Variants in CNTN4 observed in about 807,000 individuals in gnomAD.
The protein encoded by CNTN4 is contactin 4.
CNTN4 carries 77 observed loss-of-function variants against 122.5 expected under a neutral mutation model. That is an observed-to-expected ratio of 0.63 (90% CI 0.52 to 0.76). The LOEUF is 0.76. Among genes scored for constraint, CNTN4 ranks in the 30% least tolerant of loss-of-function variants. The probability of loss-of-function intolerance (pLI) is 0.00; values close to 1 mark genes in which losing one functional copy is unlikely to be tolerated. For missense variants in CNTN4, 1,256 were observed against 1,259.1 expected (o/e 1.00, Z 0.04); for synonymous variants, 512 against 447.0 (o/e 1.15, Z -1.83).
chr3:2,102,922 T>C (rs1005728779), intron 2 of CNTN4, among the ~76,000 whole-genome samples: 1 of 133,540 alleles, frequency 7.5e-6, no homozygotes, highest in Non-Finnish European at 1.6e-5. Context: ...TAACCCTTGC[T>C]TTTTTTTTTT....
intron 2 of CNTN4, among the ~76,000 whole-genome samples, chr3:2,285,871 T>A (rs1035621379): frequency 6.6e-6 from 1 of 152,152 alleles, no homozygotes; most frequent in Non-Finnish European, 1.5e-5. Flanking sequence ...AATATTATTC[T>A]TCATTATACT....
At chr3:2,367,386 T>C (rs568357781) in intron 3 of CNTN4, among the ~76,000 whole-genome samples, 3 of 152,334 alleles carry the variant, frequency 2.0e-5, no homozygotes, top group Middle Eastern at 3.4e-3. Flanking sequence ...TTTTGGATTA[T>C]TTACATGAAA....
At chr3:2,589,674 A>T (rs953859795) in intron 4 of CNTN4, among the ~76,000 whole-genome samples, 15 of 152,184 alleles carry the variant, frequency 9.9e-5, no homozygotes, top group African/African-American at 3.1e-4. Context: ...TCAGGAAATT[A>T]TACTCCAGTA....
At chr3:2,935,894 G>C (rs2094563605) in intron 13 of CNTN4, among the ~76,000 whole-genome samples, 1 of 152,180 alleles carries the variant, frequency 6.6e-6, no homozygotes. Flanking sequence ...CAAATCGTCT[G>C]ATTCTTGGAG....
At chr3:2,724,860 T>C (rs2088109459) in intron 4 of CNTN4, among the ~76,000 whole-genome samples, 1 of 152,004 alleles carries the variant, frequency 6.6e-6, no homozygotes. Flanking sequence ...CTCTCCACTT[T>C]GGTCGTACTT....
At chr3:2,668,273 A>G (rs534283089) in intron 4 of CNTN4, among the ~76,000 whole-genome samples, 1 of 150,448 alleles carries the variant, frequency 6.6e-6, no homozygotes, top group East Asian at 1.9e-4. Flanking sequence ...TTCCTTGAGC[A>G]GTGGTTTGTA....
In CNTN4 at chr3:2,176,145, C is replaced by T. The variant is rs571423795; in HGVS notation, c.-145+75506C>T. On this transcript the variant is annotated intron_variant, in intron 2 of 24. Coordinates refer to ENST00000418658, the MANE Select transcript of CNTN4 (RefSeq NM_175607.3). ...TCATGCTTCCTGAAATCACACAGAA[C>T]ATGCATTAACTATGTAGCCAATGAC... Among the ~76,000 whole-genome samples the T allele has an allele frequency of 7.2e-5, 11 of 152,302 alleles. No individual in the cohort carries two copies. In the South Asian group the frequency reaches 2.3e-3, roughly 32 times the overall value.
At chr3:3,048,317 T>C (rs1340748666) in intron 23 of CNTN4, among the ~76,000 whole-genome samples, 1 of 152,186 alleles carries the variant, frequency 6.6e-6, no homozygotes, top group Non-Finnish European at 1.5e-5. Context: ...ACCATTTACA[T>C]TATATTAGGT....
intron 3 of CNTN4, among the ~76,000 whole-genome samples, chr3:2,521,965 G>A (rs917854525): frequency 2.0e-5 from 3 of 152,032 alleles, no homozygotes; most frequent in African/African-American, 4.8e-5. Context: ...TCCTGATCCC[G>A]TGTGATCCTA....
chr3:3,054,955 G>A (rs1183395763), intron 24 of CNTN4, among the ~76,000 whole-genome samples: 1 of 152,156 alleles, frequency 6.6e-6, no homozygotes, highest in Non-Finnish European at 1.5e-5. Flanking sequence ...AAGGCTGGAG[G>A]TATAAATTTT....
At chr3:2,893,647 T>G (rs887674429) in intron 10 of CNTN4, among the ~76,000 whole-genome samples, 1 of 152,038 alleles carries the variant, frequency 6.6e-6, no homozygotes. Context: ...CCTCACCTAA[T>G]AAGAAACGTT....
chr3:2,899,400 T>C (rs936849384), intron 10 of CNTN4, among the ~76,000 whole-genome samples: 3 of 152,222 alleles, frequency 2.0e-5, no homozygotes, highest in Admixed American at 1.3e-4. Flanking sequence ...CTTTGATTAT[T>C]AGGTTTACCT....
chr3:2,708,060 C>G (rs2086848687), intron 4 of CNTN4, among the ~76,000 whole-genome samples: 1 of 151,978 alleles, frequency 6.6e-6, no homozygotes, highest in Non-Finnish European at 1.5e-5. Context: ...CTTTTGGATG[C>G]TGAGAAAACA....
chr3:2,836,847 A>G (rs981969783), intron 7 of CNTN4, among the ~76,000 whole-genome samples: 14 of 152,188 alleles, frequency 9.2e-5, no homozygotes, highest in Admixed American at 5.9e-4. Flanking sequence ...GCAAACCATC[A>G]TGGCACATAT....
At chr3:2,639,273 T>C (rs935710675) in intron 4 of CNTN4, among the ~76,000 whole-genome samples, 25 of 152,310 alleles carry the variant, frequency 1.6e-4, no homozygotes, top group African/African-American at 6.0e-4. Flanking sequence ...TTTTCTTCTA[T>C]TCCTATTTAA....
At chr3:2,106,114 C>A (rs976315206) in intron 2 of CNTN4, among the ~76,000 whole-genome samples, 4 of 152,232 alleles carry the variant, frequency 2.6e-5, no homozygotes, top group Admixed American at 1.3e-4. Flanking sequence ...CTGTCTGGGG[C>A]AGTTCTGCCC....
At chr3:2,472,253 G>A (rs2075708039) in intron 3 of CNTN4, among the ~76,000 whole-genome samples, 1 of 151,454 alleles carries the variant, frequency 6.6e-6, no homozygotes, top group Non-Finnish European at 1.5e-5. Context: ...TCATTCATTT[G>A]TTTTTGAGAC....
rs973422320 is a variant in CNTN4, at chr3:2,540,635, T to C, written c.-88-30781T>C. ...ATGTGGATTATGTTCATACACAATA[T>C]ACAGAAGTATAGATATTAAATAGTC... On this transcript the variant is annotated intron_variant, in intron 3 of 24. Transcript: ENST00000418658. 2.0e-5 allele frequency among the ~76,000 whole-genome samples: 3 copies of C among 152,226 alleles called. No homozygotes were observed. The East Asian group carries it at 5.8e-4, about 29-fold the overall frequency.
intron 4 of CNTN4, among the ~76,000 whole-genome samples, chr3:2,626,589 G>A (rs1376259601): frequency 2.0e-5 from 3 of 152,112 alleles, no homozygotes; most frequent in Admixed American, 1.3e-4. Context: ...TCATTTAAGA[G>A]GGAAAATAAT....
Sources: allele counts gnomAD v4.1 joint callset (sites outside exome capture counted in the v4.1 genomes callset), GRCh38; gene constraint gnomAD v4.1.1; transcripts MANE v1.5; gene names NCBI Gene and HGNC (gene_info 2026-07-23, HGNC 2026-07-21).